The following AR variants were observed in gnomAD, a reference collection of about 807,000 sequenced individuals.
The protein encoded by AR is dihydrotestosterone receptor.
A neutral mutation model predicts 53.9 loss-of-function variants in AR; 8 were observed. The observed-to-expected ratio is 0.15, with a 90% CI of 0.09 to 0.27. The LOEUF (loss-of-function observed/expected upper bound fraction) is 0.27. Ranked by LOEUF, AR falls within the 10% of genes least tolerant of loss-of-function variation. AR has a pLI of 1.00. For missense variants in AR, 639 were observed against 742.5 expected, an observed-to-expected ratio of 0.86 and a Z score of 1.62; for synonymous variants, 359 against 316.4, an observed-to-expected ratio of 1.13 and a Z score of -1.43.
At chrX:67,643,165 C>A (rs1925875016) in intron 1 of AR, 91 bp from the exon 2 acceptor site, 1 of 1,042,504 alleles carries the variant, frequency 9.6e-7, no homozygotes, top group Non-Finnish European at 1.3e-6. Flanking sequence ...GTCATTTATG[C>A]CTGCAGGTTA....
intron 1 of AR, among the ~76,000 whole-genome samples, chrX:67,637,933 G>A (rs770938702): frequency 1.4e-4 from 15 of 110,772 alleles, no homozygotes; most frequent in African/African-American, 4.6e-4. Context: ...CTATCAACCT[G>A]TCATCTACAT....
chrX:67,679,120 C>G (rs2075917877), intron 2 of AR, among the ~76,000 whole-genome samples: 1 of 110,948 alleles, frequency 9.0e-6, no homozygotes, highest in Non-Finnish European at 1.9e-5. Context: ...ATACATATAT[C>G]AAAACATCCC....
At chrX:67,671,022 T>C (rs2075861926) in intron 2 of AR, among the ~76,000 whole-genome samples, 1 of 112,110 alleles carries the variant, frequency 8.9e-6, no homozygotes, top group Non-Finnish European at 1.9e-5. Flanking sequence ...TTTTGGTTGG[T>C]TCCAAGTCTT....
At chrX:67,611,425 A>G (rs1316529391) in intron 1 of AR, among the ~76,000 whole-genome samples, 1 of 111,206 alleles carries the variant, frequency 9.0e-6, no homozygotes, top group East Asian at 2.8e-4. Context: ...ATGGCTTTTC[A>G]TCTGTTTCTT....
Position 67,722,898 on chromosome X carries a change from C to T in AR, c.2521C>T (p.Arg841Cys), listed in dbSNP as rs137852577. 1 of 1,210,611 alleles carries T rather than the reference C, an allele frequency of 8.3e-7. No homozygotes were observed. The highest frequency in any genetic ancestry group is 1.1e-6 in the Non-Finnish European group (1 of 894,718). Residue 841 changes from arginine (R) to cysteine (C), a missense_variant, in exon 7 of 8, where the codon CGT (arginine) becomes TGT (cysteine). Arg to Cys is a radical substitution (Grantham distance 180, BLOSUM62 -3). Around this residue, in one of 5 missense-constraint regions of AR, gnomAD observed 95 missense variants for 196.4 expected, o/e 0.48. Transcript: ENST00000374690. ...LRMNYIKELD[R>C]IIACKRKNPT... Reference sequence around the variant, plus strand: ...AATGAACTACATCAAGGAACTCGATCGTATCATTGCATGCAAAAGAAAAAA... The same window carrying T: ...AATGAACTACATCAAGGAACTCGATTGTATCATTGCATGCAAAAGAAAAAA...
At chrX:67,572,569 A>G (rs754777820) in intron 1 of AR, among the ~76,000 whole-genome samples, 1 of 111,902 alleles carries the variant, frequency 8.9e-6, no homozygotes, top group East Asian at 2.8e-4. Flanking sequence ...TCATTTATCA[A>G]TATAATATTA....
chrX:67,643,478 C>T lies in AR; in HGVS notation c.1768+71C>T, dbSNP rs1425709209. On this transcript the variant is annotated intron_variant, in intron 2 of 7. Transcript: ENST00000374690. ...CTTCCAGAGAGAGACACTAACCTTT[C>T]AGGGCCCAGGATTTTATCATCTCAG... 3 of 1,119,024 alleles carry T rather than the reference C, an allele frequency of 2.7e-6. No individual in the cohort carries two copies. The African/African-American group carries it at 5.5e-5, about 20-fold the overall frequency. 92.2% of individuals were successfully genotyped at this position (1,119,024 alleles called of 1,213,427 possible).
chrX:67,707,149 A>G (rs992112630), intron 3 of AR, among the ~76,000 whole-genome samples: 2 of 111,950 alleles, frequency 1.8e-5, no homozygotes, highest in Non-Finnish European at 3.8e-5. Context: ...AGAGTTCTGT[A>G]TAAGTCTATT....
Position 67,723,854 on chromosome X carries a change from C to A in AR, c.*13C>A, listed in dbSNP as rs2147540992. ...CCACACCCAGTGAAGCATTGGAAAC[C>A]CTATTTCCCCACCCCAGCTCATGCC... On this transcript the variant is annotated 3_prime_UTR_variant, in exon 8 of 8. Transcript: ENST00000374690. 4.1e-6 allele frequency: 5 copies of A among 1,208,399 alleles called. No homozygotes were observed. The highest frequency in any genetic ancestry group is 5.6e-6 in the Non-Finnish European group (5 of 894,663).
chrX:67,598,130 G>T (rs2147372680), intron 1 of AR, among the ~76,000 whole-genome samples: 1 of 111,069 alleles, frequency 9.0e-6, no homozygotes, highest in Non-Finnish European at 1.9e-5. Flanking sequence ...GGAGATAATG[G>T]GTGTAAAAGT....
chrX:67,681,252 T>C (rs1313567303), intron 2 of AR, among the ~76,000 whole-genome samples: 2 of 111,413 alleles, frequency 1.8e-5, no homozygotes, highest in East Asian at 5.6e-4. Context: ...GGGAGCTGCC[T>C]AGGAAGTTGT....
At chrX:67,645,057 T>C (rs1925989486) in intron 2 of AR, among the ~76,000 whole-genome samples, 1 of 110,943 alleles carries the variant, frequency 9.0e-6, no homozygotes, top group South Asian at 3.8e-4. Flanking sequence ...GCCCTGTCTA[T>C]AGAGCAGAGA....
At chrX:67,631,804 C>A (rs892416389) in intron 1 of AR, among the ~76,000 whole-genome samples, 1 of 112,185 alleles carries the variant, frequency 8.9e-6, no homozygotes, top group Non-Finnish European at 1.9e-5. Flanking sequence ...TGGTGATGTA[C>A]AGATGGGTTT....
rs750562825 is a variant in AR at position 67,680,370 on chromosome X, G to C, written c.1769-5640G>C. The stretch of plus-strand genomic sequence containing the variant: ...CATTGTCTCATGTTTTATTCCTTCA[G>C]ATAAATTTTGGGATTATTTTGTCAA... On this transcript the variant is annotated intron_variant, in intron 2 of 7. Coordinates refer to ENST00000374690, the MANE Select transcript of AR (RefSeq NM_000044.6). Among the ~76,000 whole-genome samples the C allele has an allele frequency of 1.4e-3, 158 of 111,890 alleles. 1 individual carries two copies. Among genetic ancestry groups the C allele is most frequent in the African/African-American group, 4.9e-3 (153 of 30,924 alleles).
chrX:67,678,083 G>C (rs983748942), intron 2 of AR, among the ~76,000 whole-genome samples: 1 of 110,188 alleles, frequency 9.1e-6, no homozygotes, highest in Non-Finnish European at 1.9e-5. Flanking sequence ...TGTAAAATAG[G>C]GGGGTATGAA....
At chrX:67,585,610 C>T (rs902254727) in intron 1 of AR, among the ~76,000 whole-genome samples, 6 of 111,998 alleles carry the variant, frequency 5.4e-5, no homozygotes, top group East Asian at 5.6e-4. Flanking sequence ...TTAGTGAAGC[C>T]GAGGAATTCA....
intron 3 of AR, chrX:67,696,116 G>C: frequency 1.3e-6 from 1 of 741,383 alleles, no homozygotes; most frequent in South Asian, 7.1e-5. Flanking sequence ...GAGAATTAAT[G>C]CTGTTAACAT....
chrX:67,723,781 T>C lies in AR; in HGVS notation c.2703T>C (p.Ser901=), dbSNP rs2076147314. ...DFPEMMAEII[S]VQVPKILSGK... ...CGGAAATGATGGCAGAGATCATCTC[T>C]GTGCAAGTGCCCAAGATCCTTTCTG... The change falls in exon 8 of 8, where the codon TCT becomes TCC. Residue 901 remains serine, a synonymous_variant. Coordinates refer to ENST00000374690, the MANE Select transcript of AR (RefSeq NM_000044.6). 12 of 1,208,718 alleles carry C rather than the reference T, an allele frequency of 9.9e-6. No homozygotes were observed. Among genetic ancestry groups the C allele is most frequent in the Non-Finnish European group, 1.3e-5 (12 of 894,950 alleles).
At chrX:67,714,901 T>A (rs1270859231) in intron 4 of AR, among the ~76,000 whole-genome samples, 1 of 111,988 alleles carries the variant, frequency 8.9e-6, no homozygotes, top group East Asian at 2.8e-4. Flanking sequence ...GCCAGCCATA[T>A]TGCTGATATG....
Sources: gnomAD v4.1 joint callset for allele counts (sites outside exome capture counted in the v4.1 genomes callset) on GRCh38, gnomAD v4.1.1 for gene constraint, gnomAD v4.1.1 regional missense constraint, MANE v1.5 for transcripts, NCBI Gene and HGNC (gene_info 2026-07-23, HGNC 2026-07-21) for gene names.